The following SAAL1 variants were observed in gnomAD, a reference collection of about 807,000 sequenced individuals.
SAAL1 encodes the protein protein SAAL1.
SAAL1 carries 42 observed loss-of-function variants against 59.8 expected under a neutral mutation model. That is an observed-to-expected ratio of 0.70 (90% CI 0.55 to 0.91). The LOEUF (loss-of-function observed/expected upper bound fraction) is 0.91, where lower values mean the gene tolerates loss of function less well. SAAL1 is among the 40% of genes least tolerant of loss of function. The pLI, the probability that SAAL1 is intolerant of heterozygous loss-of-function variation, is 0.00. For synonymous variants in SAAL1, 191 were observed against 194.3 expected (o/e 0.98, Z 0.14); for missense variants, 542 against 561.1 (o/e 0.97, Z 0.34).
chr11:18,102,044 T>A (rs1420138942), intron 2 of SAAL1, among the ~76,000 whole-genome samples: 1 of 152,084 alleles, frequency 6.6e-6, no homozygotes, highest in East Asian at 1.9e-4. Flanking sequence ...AAAGAAACTT[T>A]CAGGGGTGAT....
intron 5 of SAAL1, 47 bp from the exon 6 acceptor site, chr11:18,090,337 A>C (rs1395817114): frequency 7.0e-6 from 11 of 1,571,210 alleles, no homozygotes; most frequent in African/African-American, 1.4e-5. Context: ...AAAAAAAAAA[A>C]AAAACAGTAA....
At chr11:18,095,409 G>C (rs548893123) in intron 3 of SAAL1, among the ~76,000 whole-genome samples, 7 of 152,274 alleles carry the variant, frequency 4.6e-5, no homozygotes, top group African/African-American at 1.4e-4. Flanking sequence ...CTAATTCAGA[G>C]AGAACATTCT....
intron 7 of SAAL1, among the ~76,000 whole-genome samples, chr11:18,087,491 A>C (rs987407624): frequency 1.3e-5 from 2 of 152,248 alleles, no homozygotes; most frequent in African/African-American, 4.8e-5. Context: ...ATCTCATAAA[A>C]GCAACAACGC....
intron 3 of SAAL1, among the ~76,000 whole-genome samples, chr11:18,092,654 C>A (rs1286264279): frequency 6.6e-6 from 1 of 152,078 alleles, no homozygotes; most frequent in Non-Finnish European, 1.5e-5. Context: ...TCAGCAAAGG[C>A]AGGAAGGGAA....
chr11:18,085,202 G>C lies in SAAL1; in HGVS notation c.1043-1471C>G, dbSNP rs548474926. ...CCAGAGACTCTAGGCAACCCAGAAA[G>C]ACAAGAAGAATAAACCAGAGATAGA... is the stretch of plus-strand genomic sequence containing the variant. On this transcript the variant is annotated intron_variant, in intron 9 of 11. Coordinates refer to ENST00000524803, the MANE Select transcript of SAAL1 (RefSeq NM_138421.3). Among the ~76,000 whole-genome samples the C allele has an allele frequency of 3.3e-5, 5 of 152,206 alleles. No individual in the cohort carries two copies. The East Asian group carries it at 9.6e-4, about 29-fold the overall frequency.
At chr11:18,082,142 T>A (rs1848417303) in intron 10 of SAAL1, among the ~76,000 whole-genome samples, 1 of 152,152 alleles carries the variant, frequency 6.6e-6, no homozygotes, top group African/African-American at 2.4e-5. Context: ...TTCCCACCAC[T>A]TAAAAGTTAA....
At chr11:18,081,626 T>C (rs1848410865) in intron 10 of SAAL1, 123 bp from the exon 11 acceptor site, 2 of 707,694 alleles carry the variant, frequency 2.8e-6, no homozygotes, top group South Asian at 1.7e-5. Context: ...ATGTCCCACC[T>C]GAACCCACCA....
At chr11:18,091,244 T>C (rs1264205393) in intron 4 of SAAL1, among the ~76,000 whole-genome samples, 1 of 124,186 alleles carries the variant, frequency 8.1e-6, no homozygotes, top group African/African-American at 3.3e-5. Flanking sequence ...CGTGACCAGA[T>C]AATGCCCAAC....
intron 3 of SAAL1, among the ~76,000 whole-genome samples, chr11:18,093,085 T>C (rs1285860664): frequency 6.6e-6 from 1 of 152,210 alleles, no homozygotes; most frequent in Non-Finnish European, 1.5e-5. Context: ...TTGTTCAACA[T>C]ATCCACACTG....
At chr11:18,086,746 T>C (rs1286037391) in intron 9 of SAAL1, 120 bp downstream of exon 9, 4 of 495,826 alleles carry the variant, frequency 8.1e-6, no homozygotes, top group African/African-American at 4.0e-5. Context: ...AATATGATAA[T>C]AAAATAAATT....
intron 4 of SAAL1, 82 bp from the exon 5 acceptor site, chr11:18,090,575 CTTTA>C: frequency 1.4e-6 from 2 of 1,471,924 alleles, no homozygotes; most frequent in Non-Finnish European, 1.8e-6. Flanking sequence ...TTTTGAACAT[CTTTA>C]TTGTGAAATA....
rs1203352678 is a variant in SAAL1, at chr11:18,090,210, T to C, written c.554A>G (p.Asp185Gly). 6.2e-7 allele frequency: 1 copy of C among 1,604,680 alleles called. No individual in the cohort carries two copies. The highest frequency in any genetic ancestry group is 8.5e-7 in the Non-Finnish European group (1 of 1,177,610). Reference protein sequence around the residue: ...ERIQEHPAIYDSICFIMSSST... With the variant: ...ERIQEHPAIYGSICFIMSSST... ...ACTTGACATAATGAAGCAAATGCTA[T>C]CATAAATAGCTGGATGTTCCTGGAT... Residue 185 changes from aspartate to glycine, a missense_variant, in exon 6 of 12, where the codon GAT becomes GGT. Transcript: ENST00000524803.
chr11:18,080,851 G>A (rs547479055), intron 11 of SAAL1, among the ~76,000 whole-genome samples: 1 of 152,244 alleles, frequency 6.6e-6, no homozygotes, highest in South Asian at 2.1e-4. Flanking sequence ...CTATTCCCAA[G>A]AATCTGATTT....
At chr11:18,100,958 A>G (rs370591899) in intron 2 of SAAL1, among the ~76,000 whole-genome samples, 1 of 152,346 alleles carries the variant, frequency 6.6e-6, no homozygotes, top group East Asian at 1.9e-4. Flanking sequence ...AAGCAGGCAG[A>G]AGATTCAAAC....
At chr11:18,102,207 G>C (rs1848641990) in intron 2 of SAAL1, among the ~76,000 whole-genome samples, 1 of 152,120 alleles carries the variant, frequency 6.6e-6, no homozygotes, top group Admixed American at 6.5e-5. Flanking sequence ...TTCAAGACCA[G>C]CCTCGCCAAC....
At chr11:18,101,715 G>A (rs1225653771) in intron 2 of SAAL1, among the ~76,000 whole-genome samples, 1 of 151,072 alleles carries the variant, frequency 6.6e-6, no homozygotes, top group African/African-American at 2.4e-5. Context: ...GTATACAAAA[G>A]TTCACAACAG....
At chr11:18,104,173 T>C (rs1483085820) in intron 1 of SAAL1, among the ~76,000 whole-genome samples, 1 of 152,230 alleles carries the variant, frequency 6.6e-6, no homozygotes, top group African/African-American at 2.4e-5. Flanking sequence ...TATGGTAAAA[T>C]TGGTTTCATT....
rs1848512137 is a variant in SAAL1, at chr11:18,090,450, G to C, written c.457C>G (p.Leu153Val). Residue 153 changes from leucine to valine, a missense_variant, in exon 5 of 12, where the codon CTG becomes GTG. Transcript: ENST00000524803. ...HCLYDSDPPT[L>V]LETSRLLLTC... ...AAAGCATACCTGCTTGTTTCCAGCA[G>C]AGTAGGTGGGTCTGAATCATACAAA... 6.2e-7 allele frequency: 1 copy of C among 1,610,104 alleles called. No individual in the cohort carries two copies.
chr11:18,086,557 T>C (rs1178989487), intron 9 of SAAL1, among the ~76,000 whole-genome samples: 1 of 151,786 alleles, frequency 6.6e-6, no homozygotes, highest in Non-Finnish European at 1.5e-5. Flanking sequence ...AAAAATTAGC[T>C]GGGCATAGTG....
Sources: gnomAD v4.1 joint callset for allele counts (sites outside exome capture counted in the v4.1 genomes callset) on GRCh38, gnomAD v4.1.1 for gene constraint, MANE v1.5 for transcripts, NCBI Gene and HGNC (gene_info 2026-07-23, HGNC 2026-07-21) for gene names.